The following C5orf22 variants were observed in gnomAD, a reference collection of about 807,000 sequenced individuals.
C5orf22 encodes the protein chromosome 5 open reading frame 22, also known as UPF0489 protein C5orf22.
In C5orf22, 36 loss-of-function variants were observed where a neutral mutation model predicts 48.7. The ratio of observed to expected loss-of-function variants is 0.74; its 90% CI spans 0.57 to 0.98. C5orf22 has a LOEUF of 0.98. Ranked by LOEUF, C5orf22 falls within the 50% of genes least tolerant of loss-of-function variation. The pLI is 0.00. For synonymous variants in C5orf22, 141 were observed against 180.8 expected (o/e 0.78, Z 1.76); for missense variants, 486 against 521.9 (o/e 0.93, Z 0.67).
chr5:31,541,133 TGTGTGTG>T, intron 5 of C5orf22, 122 bp downstream of exon 5: 1 of 965,098 alleles, frequency 1.0e-6, no homozygotes, highest in Non-Finnish European at 1.6e-6. Context: ...TGTGTGTGTG[TGTGTGTG>T]TGTGTGTGTA....
chr5:31,543,154 A>G (rs1202083796), intron 6 of C5orf22, among the ~76,000 whole-genome samples: 1 of 152,254 alleles, frequency 6.6e-6, no homozygotes. Context: ...AAATATTCAG[A>G]AACATCCCTA....
intron 7 of C5orf22, chr5:31,548,833 G>C: frequency 7.8e-6 from 2 of 257,994 alleles, no homozygotes; most frequent in South Asian, 8.7e-5. Flanking sequence ...GATTGGAGAG[G>C]CCTCACAATC....
intron 6 of C5orf22, 77 bp downstream of exon 6, chr5:31,541,479 C>A: frequency 6.6e-7 from 1 of 1,506,428 alleles, no homozygotes; most frequent in Non-Finnish European, 9.1e-7. Flanking sequence ...TTGCAAGATA[C>A]ATTGCTTTTA....
chr5:31,552,616 CAT>C (rs1345997294), intron 8 of C5orf22, among the ~76,000 whole-genome samples, 155 bp from the exon 9 acceptor site: 1 of 152,186 alleles, frequency 6.6e-6, no homozygotes, highest in African/African-American at 2.4e-5. Context: ...AGGTGACTAA[CAT>C]GGGGTAAACC....
At chr5:31,551,208 G>T in intron 7 of C5orf22, 85 bp from the exon 8 acceptor site, 1 of 1,317,468 alleles carries the variant, frequency 7.6e-7, no homozygotes, top group East Asian at 2.4e-5. Flanking sequence ...TAAAAGTAAA[G>T]ATTTGTCAAT....
At chr5:31,549,879 AAG>A (rs897768606) in intron 7 of C5orf22, among the ~76,000 whole-genome samples, 5 of 152,356 alleles carry the variant, frequency 3.3e-5, no homozygotes, top group African/African-American at 1.2e-4. Context: ...CAAATTTAAA[AAG>A]AGAAAGAAAA....
In C5orf22 at chr5:31,532,354, C is replaced by G. The variant is rs965894381; in HGVS notation, c.-39C>G. On this transcript the variant is annotated 5_prime_UTR_variant, in exon 1 of 9. Coordinates refer to ENST00000325366, the MANE Select transcript of C5orf22 (RefSeq NM_018356.3). ...GCCGGCTTTCCCGGGTCTTCTCCAG[C>G]TGCCACCGCTTTACTGCAAAACTGA... is the stretch of plus-strand genomic sequence containing the variant. 2 of 1,606,572 alleles carry G rather than the reference C, an allele frequency of 1.2e-6. No homozygotes were observed. The highest frequency in any genetic ancestry group is 2.2e-5 in the East Asian group (1 of 44,778).
intron 2 of C5orf22, 143 bp downstream of exon 2, chr5:31,534,560 G>A: frequency 1.3e-6 from 1 of 749,378 alleles, no homozygotes; most frequent in Non-Finnish European, 2.1e-6. Flanking sequence ...ATTTTATTTA[G>A]AACAAGTGTT....
chr5:31,535,338 A>G (rs570920923), intron 2 of C5orf22, among the ~76,000 whole-genome samples: 2 of 152,342 alleles, frequency 1.3e-5, no homozygotes, highest in East Asian at 3.9e-4. Context: ...TCATTTTGCC[A>G]CACATAATAT....
chr5:31,545,277 C>T (rs978045146), intron 6 of C5orf22, among the ~76,000 whole-genome samples: 4 of 152,174 alleles, frequency 2.6e-5, no homozygotes, highest in African/African-American at 7.2e-5. Flanking sequence ...AGGCTGGTCT[C>T]GAACTCCTGA....
At chr5:31,544,758 G>A (rs1742741707) in intron 6 of C5orf22, among the ~76,000 whole-genome samples, 1 of 152,066 alleles carries the variant, frequency 6.6e-6, no homozygotes, top group African/African-American at 2.4e-5. Flanking sequence ...AACATAGCAA[G>A]ACCCTATCTC....
At chr5:31,536,678 T>G (rs1742117929) in intron 3 of C5orf22, among the ~76,000 whole-genome samples, 1 of 152,356 alleles carries the variant, frequency 6.6e-6, no homozygotes, top group East Asian at 1.9e-4. Context: ...GATAAGTACT[T>G]AATCTAAAGT....
rs1743411931 is a variant in C5orf22, at chr5:31,553,369, T to C, written c.*467T>C. On this transcript the variant is annotated 3_prime_UTR_variant, in exon 9 of 9. Coordinates refer to ENST00000325366, the MANE Select transcript of C5orf22 (RefSeq NM_018356.3). ...GACAGATGAGAAGTAAATTACGGGT[T>C]ATGAGAAATGTTATGAAGGAAAGGA... The C allele has an allele frequency of 6.5e-6, 1 of 153,342 alleles. No individual in the cohort carries two copies. The allele number at this position is 153,342 out of a possible 1,614,324, so 9.5% of individuals were successfully genotyped here. A position where few individuals can be genotyped will look rare whatever the true frequency, so the allele number is the denominator to read the frequency against.
At chr5:31,540,413 T>G (rs1168792208) in intron 4 of C5orf22, among the ~76,000 whole-genome samples, 1 of 152,214 alleles carries the variant, frequency 6.6e-6, no homozygotes, top group African/African-American at 2.4e-5. Context: ...TCTCCCCTTG[T>G]GTGGTGCCTC....
chr5:31,545,823 G>A, intron 7 of C5orf22, 111 bp downstream of exon 7: 1 of 647,846 alleles, frequency 1.5e-6, no homozygotes, highest in East Asian at 2.8e-5. Context: ...TTCCTGTGAA[G>A]TCTGAAACAA....
chr5:31,552,167 T>G (rs1328816861), intron 8 of C5orf22, among the ~76,000 whole-genome samples: 1 of 152,220 alleles, frequency 6.6e-6, no homozygotes, highest in Non-Finnish European at 1.5e-5. Flanking sequence ...GTTGGTAAGT[T>G]CTGGAAAGAC....
At chr5:31,544,974 A>AT (rs11335471) in intron 6 of C5orf22, among the ~76,000 whole-genome samples, 43 of 142,564 alleles carry the variant, frequency 3.0e-4, no homozygotes, top group Admixed American at 1.1e-3. Context: ...CGTGTCCTTA[A>AT]TTTTTTTTTT....
intron 7 of C5orf22, among the ~76,000 whole-genome samples, chr5:31,550,918 A>G (rs1191645186): frequency 6.6e-6 from 1 of 152,170 alleles, no homozygotes; most frequent in Non-Finnish European, 1.5e-5. Flanking sequence ...TGAATTACCA[A>G]AATTGACCCA....
At chr5:31,535,968 A>G (rs530344596) in intron 3 of C5orf22, 75 bp downstream of exon 3, 2 of 1,438,154 alleles carry the variant, frequency 1.4e-6, no homozygotes, top group Non-Finnish European at 1.9e-6. Context: ...TAATAACTTC[A>G]TAAGTCTCTG....
Sources: allele counts gnomAD v4.1 joint callset (sites outside exome capture counted in the v4.1 genomes callset), GRCh38; gene constraint gnomAD v4.1.1; transcripts MANE v1.5; gene names NCBI Gene and HGNC (gene_info 2026-07-23, HGNC 2026-07-21).